AKAP13: variants seen among roughly 807,000 people sequenced by gnomAD.
AKAP13 encodes the protein A-kinase anchor protein 13.
In AKAP13, 80 loss-of-function variants were observed where a neutral mutation model predicts 264.5. That is an observed-to-expected ratio of 0.30 (90% CI 0.25 to 0.36). The LOEUF is 0.36. Among genes scored for constraint, AKAP13 ranks in the 10% least tolerant of loss-of-function variants. AKAP13 has a pLI of 1.00. For synonymous variants in AKAP13, 1,380 were observed against 1,250.2 expected, an observed-to-expected ratio of 1.10 and a Z score of -2.19; for missense variants, 3,712 against 3,435.2, an observed-to-expected ratio of 1.08 and a Z score of -2.01.
chr15:85,639,354 G>T lies in AKAP13; in HGVS notation c.4162-20G>T. 1.3e-6 allele frequency: 2 copies of T among 1,563,594 alleles called. No individual in the cohort carries two copies. Among genetic ancestry groups the T allele is most frequent in the Non-Finnish European group, 8.8e-7 (1 of 1,139,986 alleles). On this transcript the variant is annotated intron_variant, in intron 8 of 36. Transcript: ENST00000394518. ...ACATTACTTCAATGTCTGAAACTCTGTGTTTTCTTTTTCTTTCAGATAAAC... is the reference window on the plus strand; with the variant it reads ...ACATTACTTCAATGTCTGAAACTCTTTGTTTTCTTTTTCTTTCAGATAAAC...
intron 1 of AKAP13, among the ~76,000 whole-genome samples, chr15:85,454,937 G>T (rs2074233382): frequency 6.6e-6 from 1 of 152,102 alleles, no homozygotes; most frequent in Admixed American, 6.5e-5. Flanking sequence ...AGATTTTTAG[G>T]CACCAAAAAT....
chr15:85,624,155 A>C (rs6496137), intron 8 of AKAP13, among the ~76,000 whole-genome samples: 15,859 of 152,268 alleles, frequency 0.1, 1,279 homozygotes, highest in East Asian at 0.37. Context: ...CTGTTTTACT[A>C]ATTTTATAAC....
chr15:85,471,723 C>T (rs1227495245), intron 1 of AKAP13, among the ~76,000 whole-genome samples: 1 of 152,192 alleles, frequency 6.6e-6, no homozygotes, highest in Non-Finnish European at 1.5e-5. Context: ...TACATTGTGT[C>T]ACTACTTTTG....
chr15:85,596,730 A>G (rs2079840235), intron 8 of AKAP13, among the ~76,000 whole-genome samples: 1 of 152,192 alleles, frequency 6.6e-6, no homozygotes, highest in African/African-American at 2.4e-5. Context: ...ACTAATTATA[A>G]TAGGAATAAT....
chr15:85,496,508 C>T (rs1366713015), intron 2 of AKAP13, among the ~76,000 whole-genome samples: 2 of 152,108 alleles, frequency 1.3e-5, no homozygotes, highest in African/African-American at 4.8e-5. Context: ...GTGTAGTTTG[C>T]ATAAATAATC....
At chr15:85,601,136 A>G (rs1223788601) in intron 8 of AKAP13, among the ~76,000 whole-genome samples, 4 of 152,210 alleles carry the variant, frequency 2.6e-5, no homozygotes, top group Non-Finnish European at 5.9e-5. Context: ...ATGTACATTA[A>G]TGGGCACTAA....
chr15:85,632,412 A>G (rs2081879410), intron 8 of AKAP13, among the ~76,000 whole-genome samples: 1 of 152,222 alleles, frequency 6.6e-6, no homozygotes, highest in African/African-American at 2.4e-5. Flanking sequence ...AATACTGGAC[A>G]GAAACAAACC....
chr15:85,693,319 G>T lies in AKAP13; in HGVS notation c.5332G>T (p.Asp1778Tyr). ...AGATAAGATTAAGGAGAAGGAGAAAGATTCTAAAGACAAGGAGAAAGATAA... is the reference window on the plus strand; with the variant it reads ...AGATAAGATTAAGGAGAAGGAGAAATATTCTAAAGACAAGGAGAAAGATAA... Reference protein sequence around the residue: ...EKDKIKEKEKDSKDKEKDKKT... With the variant: ...EKDKIKEKEKYSKDKEKDKKT... Residue 1778 changes from aspartate (D) to tyrosine (Y), a missense_variant, in exon 17 of 37, where the codon GAT becomes TAT. By Grantham distance (160) the Asp-to-Tyr change is radical (BLOSUM62 -3). This residue lies in a region of AKAP13 where 2,759 missense variants were observed against 2,411.7 expected (regional missense o/e 1.14). Coordinates refer to ENST00000394518, the MANE Select transcript of AKAP13 (RefSeq NM_007200.5). 2 of 1,608,020 alleles carry T rather than the reference G, an allele frequency of 1.2e-6. No individual in the cohort carries two copies. The highest frequency in any genetic ancestry group is 8.5e-7 in the Non-Finnish European group (1 of 1,178,638).
At chr15:85,635,835 C>T (rs1337370715) in intron 8 of AKAP13, among the ~76,000 whole-genome samples, 1 of 152,034 alleles carries the variant, frequency 6.6e-6, no homozygotes, top group Non-Finnish European at 1.5e-5. Flanking sequence ...ACTATTTGTT[C>T]CTCATTAAAA....
chr15:85,554,324 A>T (rs1291179921), intron 5 of AKAP13, among the ~76,000 whole-genome samples: 1 of 152,210 alleles, frequency 6.6e-6, no homozygotes, highest in Non-Finnish European at 1.5e-5. Context: ...GAGCTTAGAT[A>T]TCTCTTTATT....
intron 2 of AKAP13, among the ~76,000 whole-genome samples, chr15:85,513,531 C>A (rs990136743): frequency 6.6e-5 from 10 of 152,166 alleles, no homozygotes; most frequent in Admixed American, 6.6e-5. Flanking sequence ...TAACATCTTA[C>A]GCCATTTGCT....
chr15:85,415,317 G>A, intron 1 of AKAP13: 1 of 1,577,896 alleles, frequency 6.3e-7, no homozygotes, highest in Non-Finnish European at 8.7e-7. Flanking sequence ...AGTGGGAATA[G>A]CTTTGCGAAA....
chr15:85,467,059 C>G lies in AKAP13; in HGVS notation c.-11-18651C>G, dbSNP rs1313467887. Among the ~76,000 whole-genome samples, 3 of 140,540 alleles carry G rather than the reference C, an allele frequency of 2.1e-5. No individual in the cohort carries two copies. In the Admixed American group the frequency reaches 2.2e-4, roughly 10 times the overall value. 92.2% of individuals were successfully genotyped at this position (140,540 alleles called of 152,430 possible). A position where few individuals can be genotyped will look rare whatever the true frequency, so the allele number is the denominator to read the frequency against. On this transcript the variant is annotated intron_variant, in intron 1 of 36. Transcript: ENST00000394518. Reference sequence around the variant, plus strand: ...ACCTTCTCTGCATTGGATACTACATCTATTATTGTATTAACTACACACACA... The same window carrying G: ...ACCTTCTCTGCATTGGATACTACATGTATTATTGTATTAACTACACACACA...
At chr15:85,544,025 C>T in intron 5 of AKAP13, 70 bp downstream of exon 5, 1 of 1,554,734 alleles carries the variant, frequency 6.4e-7, no homozygotes, top group Non-Finnish European at 8.9e-7. Context: ...AGGAGTACCA[C>T]CCACTTGGCA....
In AKAP13 at chr15:85,718,044, A is replaced by C. The variant is rs551895673; in HGVS notation, c.5886A>C (p.Gly1962=). 6.2e-7 allele frequency: 1 copy of C among 1,614,054 alleles called. No homozygotes were observed. The highest frequency in any genetic ancestry group is 8.5e-7 in the Non-Finnish European group (1 of 1,180,022). The change falls in exon 22 of 37, where the codon GGA becomes GGC. Residue 1962 remains glycine (G), a synonymous_variant. Transcript: ENST00000394518. The surrounding 1 kb of genome is among the most constrained non-coding windows in gnomAD (Gnocchi z 4.9). ...GTDMNEGQLL[G]DFEIESKQLE... ...ACATGAATGAAGGACAACTACTGGG[A>C]GACTTTGAGATTGAGTCCAAACAGC...
At chr15:85,443,616 A>T (rs879857132) in intron 1 of AKAP13, among the ~76,000 whole-genome samples, 7 of 152,200 alleles carry the variant, frequency 4.6e-5, no homozygotes, top group Non-Finnish European at 1.0e-4. Flanking sequence ...CTAAACATAG[A>T]AAAGGTACAG....
chr15:85,735,661 C>T (rs762483857), intron 32 of AKAP13, 31 bp downstream of exon 32: 3 of 1,583,198 alleles, frequency 1.9e-6, no homozygotes, highest in Admixed American at 1.8e-5. Context: ...CCATGAACCT[C>T]CTTGGCACTT....
chr15:85,670,545 A>G (rs1482833554), intron 14 of AKAP13: 2 of 149,830 alleles, frequency 1.3e-5, no homozygotes, highest in African/African-American at 2.5e-5. Flanking sequence ...TCAGATTTCA[A>G]ATTTTCTCAC....
intron 1 of AKAP13, among the ~76,000 whole-genome samples, chr15:85,463,329 G>A (rs2074596729): frequency 6.6e-6 from 1 of 152,194 alleles, no homozygotes; most frequent in Non-Finnish European, 1.5e-5. Context: ...AGAGATCGTT[G>A]CCGTTTGACA....
Sources: allele counts gnomAD v4.1 joint callset (sites outside exome capture counted in the v4.1 genomes callset), GRCh38; gene constraint gnomAD v4.1.1; regional missense constraint gnomAD v4.1.1; non-coding constraint Gnocchi (gnomAD v3.1); transcripts MANE v1.5; gene names NCBI Gene and HGNC (gene_info 2026-07-23, HGNC 2026-07-21).